The following RNF216 variants were observed in gnomAD, a reference collection of about 807,000 sequenced individuals.
The protein encoded by RNF216 is ring finger protein 216.
A neutral mutation model predicts 110.8 loss-of-function variants in RNF216; 72 were observed. The observed-to-expected ratio is 0.65, with a 90% CI of 0.54 to 0.79. The LOEUF is 0.79. RNF216 is among the 30% of genes least tolerant of loss of function. RNF216 has a pLI of 0.00. For synonymous variants in RNF216, 495 were observed against 407.5 expected (o/e 1.21, Z -2.59); for missense variants, 1,342 against 1,141.2 (o/e 1.18, Z -2.54).
chr7:5,736,401 T>C (rs916236368), intron 5 of RNF216, among the ~76,000 whole-genome samples: 5 of 152,200 alleles, frequency 3.3e-5, no homozygotes, highest in Non-Finnish European at 7.3e-5. Context: ...GGATTGCAGA[T>C]GGAGTCTCGT....
chr7:5,652,241 C>T (rs988409166), intron 14 of RNF216, among the ~76,000 whole-genome samples, 172 bp downstream of exon 14: 2 of 152,134 alleles, frequency 1.3e-5, no homozygotes, highest in Non-Finnish European at 2.9e-5. Flanking sequence ...CTCCATGAGG[C>T]TGCAGAGATG....
chr7:5,743,939 AAAC>A (rs1794902185), intron 3 of RNF216, among the ~76,000 whole-genome samples: 1 of 152,228 alleles, frequency 6.6e-6, no homozygotes, highest in South Asian at 2.1e-4. Context: ...CTCTATAGAG[AAAC>A]AACATCATAC....
chr7:5,719,462 T>G (rs1793276024), intron 9 of RNF216, among the ~76,000 whole-genome samples: 1 of 152,216 alleles, frequency 6.6e-6, no homozygotes, highest in Non-Finnish European at 1.5e-5. Flanking sequence ...CGGGGTCATT[T>G]GGCTGTGCCC....
At chr7:5,701,804 CAACACTTCTCACGT>C (rs1362614635) in intron 13 of RNF216, among the ~76,000 whole-genome samples, 1 of 152,206 alleles carries the variant, frequency 6.6e-6, no homozygotes, top group Non-Finnish European at 1.5e-5. Flanking sequence ...GCACATCAAT[CAACACTTCTCACGT>C]AAGGGCTTCA....
chr7:5,746,727 T>C (rs1795049178), intron 3 of RNF216, among the ~76,000 whole-genome samples: 1 of 152,188 alleles, frequency 6.6e-6, no homozygotes, highest in South Asian at 2.1e-4. Flanking sequence ...TCTTGCCTTT[T>C]CATGTATAAA....
chr7:5,771,905 G>A (rs975990571), intron 1 of RNF216, among the ~76,000 whole-genome samples: 2 of 152,112 alleles, frequency 1.3e-5, no homozygotes, highest in African/African-American at 4.8e-5. Flanking sequence ...ATGAAAAAGT[G>A]TCCAACATTA....
chr7:5,682,188 C>T (rs761996445), intron 13 of RNF216, among the ~76,000 whole-genome samples: 6 of 152,180 alleles, frequency 3.9e-5, no homozygotes, highest in Non-Finnish European at 8.8e-5. Flanking sequence ...TTGGCAGATT[C>T]TGTACCTACG....
In RNF216 at chr7:5,770,457, G is replaced by T. The variant is rs539031036; in HGVS notation, c.-69-9319C>A. Among the ~76,000 whole-genome samples, 263 of 147,292 alleles carry T rather than the reference G, an allele frequency of 1.8e-3. 1 individual carries two copies. The highest frequency in any genetic ancestry group is 3.9e-3 in the South Asian group (18 of 4,668). ...GCCTGGGCAACGAGAGCAAAACTCC[G>T]TCTCAAAAAAAAAAAAAAGATTACT... On this transcript the variant is annotated intron_variant, in intron 1 of 16. Transcript: ENST00000389902.
Position 5,620,126 on chromosome 7 carries a change from GAATT to G in RNF216, c.*2730_*2733del, listed in dbSNP as rs1786261813. ...CTTTTTACACACAGTAGTTGAAACGGAATTATTTTATCTATTTTTACTACCAGAA... is the reference window on the plus strand; with the variant it reads ...CTTTTTACACACAGTAGTTGAAACGGATTTTATCTATTTTTACTACCAGAA... On this transcript the variant is annotated 3_prime_UTR_variant, in exon 17 of 17. Coordinates refer to ENST00000389902, the MANE Select transcript of RNF216 (RefSeq NM_207111.4). 2 of 152,250 alleles carry G rather than the reference GAATT, an allele frequency of 1.3e-5. No homozygotes were observed. Among genetic ancestry groups the G allele is most frequent in the South Asian group, 4.1e-4 (2 of 4,834 alleles). The allele number at this position is 152,250 out of a possible 1,614,324, so 9.4% of individuals were successfully genotyped here. A position where few individuals can be genotyped will look rare whatever the true frequency, so the allele number is the denominator to read the frequency against.
intron 14 of RNF216, among the ~76,000 whole-genome samples, chr7:5,651,257 T>G (rs1202415365): frequency 6.6e-6 from 1 of 151,850 alleles, no homozygotes; most frequent in Non-Finnish European, 1.5e-5. Context: ...GGAGTCTCGC[T>G]CTGTCGCCCA....
At chr7:5,710,559 T>C (rs1474365454) in intron 13 of RNF216, among the ~76,000 whole-genome samples, 1 of 152,214 alleles carries the variant, frequency 6.6e-6, no homozygotes, top group East Asian at 1.9e-4. Flanking sequence ...ATTTCTCACC[T>C]GGACTACTCA....
chr7:5,739,149 T>C (rs1794608538), intron 5 of RNF216, 127 bp downstream of exon 5: 1 of 1,151,806 alleles, frequency 8.7e-7, no homozygotes, highest in Admixed American at 3.7e-5. Context: ...GATAGTTGCA[T>C]AATAATGTGA....
chr7:5,656,981 C>A (rs754907533), intron 13 of RNF216, among the ~76,000 whole-genome samples: 1 of 152,326 alleles, frequency 6.6e-6, no homozygotes. Flanking sequence ...TCTGAGCCCA[C>A]AGGCCAAAGT....
At chr7:5,625,793 G>C (rs898210340) in intron 15 of RNF216, among the ~76,000 whole-genome samples, 23 of 152,232 alleles carry the variant, frequency 1.5e-4, no homozygotes, top group African/African-American at 5.1e-4. Flanking sequence ...TGGTTTGGTA[G>C]ATGAAAGATT....
At chr7:5,776,807 A>C (rs1796804160) in intron 1 of RNF216, among the ~76,000 whole-genome samples, 1 of 150,554 alleles carries the variant, frequency 6.6e-6, no homozygotes, top group South Asian at 2.1e-4. Flanking sequence ...AGGCTGAGGC[A>C]CAAGAATGGC....
At chr7:5,765,915 T>C (rs1489233819) in intron 1 of RNF216, among the ~76,000 whole-genome samples, 1 of 142,324 alleles carries the variant, frequency 7.0e-6, no homozygotes, top group East Asian at 2.0e-4. Flanking sequence ...ATTGCACCAC[T>C]GCAGTCCAGC....
At chr7:5,700,021 C>T (rs1791863985) in intron 13 of RNF216, among the ~76,000 whole-genome samples, 1 of 152,244 alleles carries the variant, frequency 6.6e-6, no homozygotes, top group Non-Finnish European at 1.5e-5. Flanking sequence ...TTAGGCTTTG[C>T]TCTCATCTTG....
chr7:5,638,788 C>A (rs73338039), intron 15 of RNF216, among the ~76,000 whole-genome samples: 2 of 151,912 alleles, frequency 1.3e-5, no homozygotes, highest in Non-Finnish European at 2.9e-5. Flanking sequence ...CAGGTGAGCA[C>A]CACATCTGGC....
At chr7:5,666,822 T>TC (rs1015778044) in intron 13 of RNF216, 4 of 151,868 alleles carry the variant, frequency 2.6e-5, no homozygotes, top group Admixed American at 2.0e-4. Context: ...GACTTTTTTT[T>TC]TTTTTTTTTT....
Sources: gnomAD v4.1 joint callset for allele counts (sites outside exome capture counted in the v4.1 genomes callset) on GRCh38, gnomAD v4.1.1 for gene constraint, MANE v1.5 for transcripts, NCBI Gene and HGNC (gene_info 2026-07-23, HGNC 2026-07-21) for gene names.